MYH9: variants seen among roughly 807,000 people sequenced by gnomAD.
MYH9 encodes myosin-9.
In MYH9, 29 loss-of-function variants were observed where a neutral mutation model predicts 241.9. The observed-to-expected ratio is 0.12, with a 90% CI of 0.09 to 0.16. The LOEUF (loss-of-function observed/expected upper bound fraction) is 0.16, where lower values mean the gene tolerates loss of function less well. Ranked by LOEUF, MYH9 falls within the 10% of genes least tolerant of loss-of-function variation. The pLI is 1.00. For missense variants in MYH9, 1,803 were observed against 2,595.5 expected (o/e 0.69, Z 6.63); for synonymous variants, 1,047 against 1,062.6 (o/e 0.99, Z 0.29).
Position 36,301,680 on chromosome 22 carries a change from A to G in MYH9, c.2500-15T>C. 1 of 1,612,404 alleles carries G rather than the reference A, an allele frequency of 6.2e-7. No homozygotes were observed. The highest frequency in any genetic ancestry group is 8.5e-7 in the Non-Finnish European group (1 of 1,179,940). On this transcript the variant is annotated splice_polypyrimidine_tract_variant and intron_variant, in intron 20 of 40. Transcript: ENST00000216181. ...AGCGGCTTGACCTGGGAGAGGAGAT[A>G]GAGGTAGAGACATGCTCGGCTGGAA...
At chr22:36,291,786 A>G (rs1266207411) in intron 31 of MYH9, among the ~76,000 whole-genome samples, 200 bp downstream of exon 31, 1 of 151,706 alleles carries the variant, frequency 6.6e-6, no homozygotes, top group Non-Finnish European at 1.5e-5. Context: ...AACCCATCGC[A>G]TGAAGACGCC....
At chr22:36,304,330 G>A (rs1198468446) in intron 18 of MYH9, among the ~76,000 whole-genome samples, 175 bp from the exon 19 acceptor site, 4 of 152,074 alleles carry the variant, frequency 2.6e-5, no homozygotes, top group African/African-American at 4.8e-5. Context: ...CTATCTCCCC[G>A]TCACCGAACG....
intron 3 of MYH9, among the ~76,000 whole-genome samples, chr22:36,331,311 A>G (rs2017416745): frequency 6.6e-6 from 1 of 152,176 alleles, no homozygotes; most frequent in Admixed American, 6.5e-5. Context: ...CAACTGAGCA[A>G]TTCCCTGGCA....
chr22:36,290,643 G>A (rs2016676091), intron 31 of MYH9, among the ~76,000 whole-genome samples: 1 of 150,160 alleles, frequency 6.7e-6, no homozygotes, highest in Non-Finnish European at 1.5e-5. Context: ...CTGCCTGGCT[G>A]CCCAGTCTGG....
At chr22:36,315,943 T>C (rs1289301535) in intron 12 of MYH9, among the ~76,000 whole-genome samples, 1 of 150,542 alleles carries the variant, frequency 6.6e-6, no homozygotes, top group African/African-American at 2.4e-5. Context: ...GGGGCTGAGG[T>C]GCGAGGATCA....
Position 36,369,877 on chromosome 22 carries a change from G to A in MYH9, c.-20+17930C>T, listed in dbSNP as rs6000261. On this transcript the variant is annotated intron_variant, in intron 1 of 40. Coordinates refer to ENST00000216181, the MANE Select transcript of MYH9 (RefSeq NM_002473.6). ...GGGGCTAGTCACGTAGGTTTTCTTG[G>A]ACTCTCAACATTCCCAGCTACAAAA... is the stretch of plus-strand genomic sequence containing the variant. Among the ~76,000 whole-genome samples the A allele has an allele frequency of 5.1e-3, 780 of 152,248 alleles. 8 individuals carry two copies. Among genetic ancestry groups the A allele is most frequent in the African/African-American group, 0.018 (744 of 41,526 alleles).
intron 10 of MYH9, 96 bp from the exon 11 acceptor site, chr22:36,318,421 T>C: frequency 2.0e-6 from 2 of 1,023,122 alleles, no homozygotes; most frequent in Non-Finnish European, 3.1e-6. Context: ...GTCCCTCTGC[T>C]TGACTTGGGA....
chr22:36,292,512 T>C (rs2016722660), intron 30 of MYH9, among the ~76,000 whole-genome samples: 1 of 152,198 alleles, frequency 6.6e-6, no homozygotes, highest in African/African-American at 2.4e-5. Context: ...ACCAAGCCTC[T>C]TGCTCTACGG....
chr22:36,378,845 A>T (rs562714985), intron 1 of MYH9, among the ~76,000 whole-genome samples: 1 of 152,166 alleles, frequency 6.6e-6, no homozygotes, highest in African/African-American at 2.4e-5. Context: ...GAGAGTCACC[A>T]TTTAGAAAAC....
At chr22:36,292,283 G>C (rs2016718697) in intron 30 of MYH9, 49 bp from the exon 31 acceptor site, 1 of 1,610,712 alleles carries the variant, frequency 6.2e-7, no homozygotes, top group Non-Finnish European at 8.5e-7. Context: ...CACCTGCTCA[G>C]GTGGCACACC....
At chr22:36,331,363 A>G (rs1468880698) in intron 3 of MYH9, among the ~76,000 whole-genome samples, 1 of 152,044 alleles carries the variant, frequency 6.6e-6, no homozygotes, top group Non-Finnish European at 1.5e-5. Context: ...AAATTCAGGA[A>G]CCAGGCCATT....
At position 36,316,562 on chromosome 22, in the gene MYH9, G is replaced by A. The variant is rs569379665; in HGVS notation, c.1335C>T (p.Ala445=). ...KALDKTKRQG[A]SFIGILDIAG... ...CAATGTCCAGGATCCCGATGAAGGA[G>A]GCGCCCTGCCTCTTGGTCTTGTCCA... Residue 445 remains alanine, a synonymous_variant, in exon 12 of 41, where the codon GCC becomes GCT. Coordinates refer to ENST00000216181, the MANE Select transcript of MYH9 (RefSeq NM_002473.6). 9 of 1,613,748 alleles carry A rather than the reference G, an allele frequency of 5.6e-6. No individual in the cohort carries two copies. The highest frequency in any genetic ancestry group is 2.2e-5 in the East Asian group (1 of 44,876).
chr22:36,356,759 C>T (rs1028405977), intron 1 of MYH9, among the ~76,000 whole-genome samples: 1 of 152,208 alleles, frequency 6.6e-6, no homozygotes, highest in African/African-American at 2.4e-5. Flanking sequence ...GGTCGCGCGG[C>T]AGGACGGACA....
chr22:36,324,549 C>T (rs1019015944), intron 5 of MYH9, among the ~76,000 whole-genome samples: 3 of 152,256 alleles, frequency 2.0e-5, no homozygotes, highest in African/African-American at 7.2e-5. Flanking sequence ...CTGGCCTCCC[C>T]GCAGCAAGGT....
Position 36,306,468 on chromosome 22 carries a change from C to T in MYH9, c.1983G>A (p.Leu661=). 6.2e-7 allele frequency: 1 copy of T among 1,614,170 alleles called. No homozygotes were observed. Among genetic ancestry groups the T allele is most frequent in the Non-Finnish European group, 8.5e-7 (1 of 1,180,046 alleles). ...KEQLAKLMAT[L]RNTNPNFVRC... is the part of the protein sequence containing the mutation. ...GGACAAAGTTGGGGTTCGTGTTCCT[C>T]AGCGTAGCCATCAGCTTGGCCAGCT... The change falls in exon 16 of 41, where the codon CTG becomes CTA. Residue 661 remains leucine (L), a synonymous_variant. Coordinates refer to ENST00000216181, the MANE Select transcript of MYH9 (RefSeq NM_002473.6). The surrounding 1 kb of genome is among the most constrained non-coding windows in gnomAD (Gnocchi z 4.1).
chr22:36,299,504 G>A (rs1304843376), intron 23 of MYH9, among the ~76,000 whole-genome samples: 1 of 152,168 alleles, frequency 6.6e-6, no homozygotes, highest in Non-Finnish European at 1.5e-5. Flanking sequence ...TGTGGCCCCT[G>A]CAACACCCCT....
chr22:36,293,886 A>G lies in MYH9; in HGVS notation c.3838-23T>C. 1 of 1,605,050 alleles carries G rather than the reference A, an allele frequency of 6.2e-7. No individual in the cohort carries two copies. The highest frequency in any genetic ancestry group is 2.2e-5 in the East Asian group (1 of 44,540). On this transcript the variant is annotated intron_variant, in intron 28 of 40. Coordinates refer to ENST00000216181, the MANE Select transcript of MYH9 (RefSeq NM_002473.6). This position sits in a 1 kb window ranked among gnomAD's most constrained non-coding sequence, Gnocchi z 5.1. The stretch of plus-strand genomic sequence containing the variant: ...CACCTGCACCGGGCGGGGAGACACA[A>G]AGGACCATGGACCCACCCCCACTGC...
At chr22:36,298,849 G>A in intron 24 of MYH9, 70 bp downstream of exon 24, 1 of 1,601,570 alleles carries the variant, frequency 6.2e-7, no homozygotes, top group Non-Finnish European at 8.5e-7. Context: ...CGGTCAGACA[G>A]GCCGGCCCCT....
rs767127710 is a variant in MYH9, at chr22:36,282,651, G to A, written c.*17C>T. 2 of 1,609,506 alleles carry A rather than the reference G, an allele frequency of 1.2e-6. No individual in the cohort carries two copies. The highest frequency in any genetic ancestry group is 1.1e-5 in the South Asian group (1 of 90,986). ...GTGTCTGTCTGTCCATCCATCTCAG[G>A]CTGCAGGAGAAGAGGCTTATTCGGC... On this transcript the variant is annotated 3_prime_UTR_variant, in exon 41 of 41. Transcript: ENST00000216181.
Sources: gnomAD v4.1 joint callset for allele counts (sites outside exome capture counted in the v4.1 genomes callset) on GRCh38, gnomAD v4.1.1 for gene constraint, Gnocchi (gnomAD v3.1) non-coding constraint, MANE v1.5 for transcripts, NCBI Gene and HGNC (gene_info 2026-07-23, HGNC 2026-07-21) for gene names.